Variants in TOX2 observed in about 807,000 individuals in gnomAD.
TOX2 encodes the protein granulosa cell HMG box 1.
TOX2 carries 15 observed loss-of-function variants against 47.4 expected under a neutral mutation model. That is an observed-to-expected ratio of 0.32 (90% CI 0.21 to 0.49). TOX2 has a LOEUF of 0.49. TOX2 is among the 20% of genes least tolerant of loss of function. The pLI, the probability that TOX2 is intolerant of heterozygous loss-of-function variation, is 0.99. For missense variants in TOX2, 622 were observed against 673.1 expected (o/e 0.92, Z 0.84); for synonymous variants, 290 against 296.6 (o/e 0.98, Z 0.23).
At chr20:44,052,152 G>C (rs540672751) in intron 4 of TOX2, among the ~76,000 whole-genome samples, 1 of 152,222 alleles carries the variant, frequency 6.6e-6, no homozygotes, top group South Asian at 2.1e-4. Context: ...GACCTTGAGG[G>C]TGGGGTGCAA....
intron 2 of TOX2, among the ~76,000 whole-genome samples, chr20:43,989,854 G>A (rs1237032389): frequency 6.6e-6 from 1 of 152,102 alleles, no homozygotes; most frequent in Non-Finnish European, 1.5e-5. Flanking sequence ...ATCAAGTGTG[G>A]CTTCATGTGG....
chr20:43,988,597 T>C (rs2070313345), intron 2 of TOX2, among the ~76,000 whole-genome samples: 1 of 152,238 alleles, frequency 6.6e-6, no homozygotes, highest in South Asian at 2.1e-4. Context: ...TTAGTTTCCG[T>C]TTATTTGCTT....
chr20:44,066,007 C>A lies in TOX2; in HGVS notation c.1256C>A (p.Pro419Gln). The change falls in exon 7 of 9, where the codon CCA (proline) becomes CAA (glutamine). Residue 419 changes from proline (P) to glutamine (Q), a missense_variant. By Grantham distance (76) the Pro-to-Gln change is moderately conservative. Around this residue, in one of 3 missense-constraint regions of TOX2, gnomAD observed 294 missense variants for 300.0 expected, o/e 0.98. Coordinates refer to ENST00000341197, the MANE Select transcript of TOX2 (RefSeq NM_001098797.2). ...CACGCCCAGGGCGCCCTCCTCAGTC[C>A]ACCTGTTAGCATGTCCCCAGCCCCC... ...PPHAQGALLS[P>Q]PVSMSPAPQP... 6.2e-7 allele frequency: 1 copy of A among 1,612,496 alleles called. No homozygotes were observed. Among genetic ancestry groups the A allele is most frequent in the Non-Finnish European group, 8.5e-7 (1 of 1,179,744 alleles).
intron 2 of TOX2, among the ~76,000 whole-genome samples, chr20:43,983,759 G>A (rs977135572): frequency 6.6e-6 from 1 of 152,168 alleles, no homozygotes; most frequent in African/African-American, 2.4e-5. Context: ...CAGGCTCAGG[G>A]GCTAAATGTT....
intron 3 of TOX2, among the ~76,000 whole-genome samples, chr20:44,049,904 G>A (rs2071478945): frequency 6.6e-6 from 1 of 152,128 alleles, no homozygotes; most frequent in South Asian, 2.1e-4. Context: ...GGGTATCTGG[G>A]CTGATTCCGT....
rs1300560514 is a variant in TOX2, at chr20:43,928,595, C to T, written c.99+13605C>T. ...GCAAGTCACGGCCTGTCGAGGTGTC[C>T]TGTGGGACAATTTTTCATCTGCCTA... is the stretch of plus-strand genomic sequence containing the variant. On this transcript the variant is annotated intron_variant, in intron 1 of 8. Coordinates refer to ENST00000341197, the MANE Select transcript of TOX2 (RefSeq NM_001098797.2). Among the ~76,000 whole-genome samples, 3 of 152,194 alleles carry T rather than the reference C, an allele frequency of 2.0e-5. No homozygotes were observed. The East Asian group carries it at 5.8e-4, about 29-fold the overall frequency.
intron 3 of TOX2, among the ~76,000 whole-genome samples, chr20:44,035,074 C>T (rs571020642): frequency 5.3e-5 from 8 of 152,240 alleles, no homozygotes; most frequent in Non-Finnish European, 7.3e-5. Context: ...CAGTGCCTCT[C>T]GGACCTACCT....
intron 1 of TOX2, among the ~76,000 whole-genome samples, chr20:43,931,983 T>C (rs2069258397): frequency 6.6e-6 from 1 of 152,136 alleles, no homozygotes; most frequent in African/African-American, 2.4e-5. Context: ...CACTCTGGCT[T>C]GGACTGTGGT....
chr20:44,039,182 A>T (rs1234051661), intron 3 of TOX2: 2 of 1,272,818 alleles, frequency 1.6e-6, no homozygotes, highest in Admixed American at 4.6e-5. Context: ...GTGAGGCCAG[A>T]GGATGGAGCA....
At chr20:44,033,978 G>C (rs1001977754) in intron 3 of TOX2, among the ~76,000 whole-genome samples, 1 of 152,226 alleles carries the variant, frequency 6.6e-6, no homozygotes, top group Non-Finnish European at 1.5e-5. Flanking sequence ...CTTCTTGTCA[G>C]TTATCAGTGC....
intron 3 of TOX2, among the ~76,000 whole-genome samples, chr20:44,044,966 C>T (rs567059428): frequency 1.3e-5 from 2 of 152,278 alleles, no homozygotes; most frequent in African/African-American, 4.8e-5. Context: ...TCAGCTGCCA[C>T]GTGGATGAAC....
chr20:44,051,650 C>T (rs559499896), intron 4 of TOX2, 105 bp downstream of exon 4: 21 of 1,462,370 alleles, frequency 1.4e-5, no homozygotes, highest in Middle Eastern at 2.6e-4. Flanking sequence ...ACTAGAAAAG[C>T]CTGATGTCCC....
chr20:43,919,084 C>G (rs572163626), intron 1 of TOX2, among the ~76,000 whole-genome samples: 1 of 152,320 alleles, frequency 6.6e-6, no homozygotes, highest in African/African-American at 2.4e-5. Flanking sequence ...TACCACCTTC[C>G]CCATGTGGTG....
At chr20:43,937,301 C>T (rs753798480) in intron 1 of TOX2, among the ~76,000 whole-genome samples, 7 of 152,106 alleles carry the variant, frequency 4.6e-5, no homozygotes, top group Non-Finnish European at 7.4e-5. Context: ...ACTTCTGGTT[C>T]GCAAAGGTCC....
intron 3 of TOX2, among the ~76,000 whole-genome samples, chr20:44,023,924 C>T (rs971481268): frequency 6.6e-6 from 1 of 152,218 alleles, no homozygotes; most frequent in Non-Finnish European, 1.5e-5. Flanking sequence ...CCAGCACTCA[C>T]CCCCTTCCCT....
intron 3 of TOX2, among the ~76,000 whole-genome samples, chr20:44,050,581 C>G (rs1028627200): frequency 6.6e-6 from 1 of 152,162 alleles, no homozygotes; most frequent in East Asian, 1.9e-4. Context: ...GTGAAAAATG[C>G]TTATATGTAA....
chr20:43,948,183 G>A (rs1335137815), intron 1 of TOX2, among the ~76,000 whole-genome samples: 2 of 152,220 alleles, frequency 1.3e-5, no homozygotes, highest in Non-Finnish European at 2.9e-5. Flanking sequence ...CAGGGTGTCT[G>A]TTGGCACACA....
intron 3 of TOX2, among the ~76,000 whole-genome samples, chr20:44,032,571 G>A (rs751826627): frequency 6.6e-6 from 1 of 152,160 alleles, no homozygotes; most frequent in Non-Finnish European, 1.5e-5. Context: ...CCAGGTGGTG[G>A]TGGTGGTGGT....
intron 3 of TOX2, among the ~76,000 whole-genome samples, chr20:44,044,957 C>G (rs1397072322): frequency 6.6e-6 from 1 of 152,170 alleles, no homozygotes; most frequent in Non-Finnish European, 1.5e-5. Flanking sequence ...AGTTCTGATT[C>G]AGCTGCCACG....
Sources: allele counts gnomAD v4.1 joint callset (sites outside exome capture counted in the v4.1 genomes callset), GRCh38; gene constraint gnomAD v4.1.1; regional missense constraint gnomAD v4.1.1; transcripts MANE v1.5; gene names NCBI Gene and HGNC (gene_info 2026-07-23, HGNC 2026-07-21).